Variants in FAM227B observed in about 807,000 individuals in gnomAD.
FAM227B encodes family with sequence similarity 227 member B, also known as protein FAM227B.
A neutral mutation model predicts 73.8 loss-of-function variants in FAM227B; 88 were observed. That is an observed-to-expected ratio of 1.19 (90% confidence interval 1.00 to 1.42). The LOEUF (loss-of-function observed/expected upper bound fraction) is 1.42, where lower values mean the gene tolerates loss of function less well. Ranked by LOEUF, FAM227B falls within the 40% of genes most tolerant of loss-of-function variation. The probability of loss-of-function intolerance (pLI) is 0.00; values close to 1 mark genes in which losing one functional copy is unlikely to be tolerated. For synonymous variants in FAM227B, 210 were observed against 190.5 expected, an observed-to-expected ratio of 1.10 and a Z score of -0.84; for missense variants, 632 against 590.9, an observed-to-expected ratio of 1.07 and a Z score of -0.72.
At chr15:49,333,913 C>G (rs1482971109) in intron 14 of FAM227B, among the ~76,000 whole-genome samples, 2 of 152,148 alleles carry the variant, frequency 1.3e-5, no homozygotes, top group Non-Finnish European at 2.9e-5. Context: ...AAATAAAAAA[C>G]TAGCCCAATA....
rs2038905253 is a variant in FAM227B, at chr15:49,332,121, C to T, written c.1350-272G>A. On this transcript the variant is annotated intron_variant, in intron 14 of 15. Transcript: ENST00000299338. The stretch of plus-strand genomic sequence containing the variant: ...CACACACACACACACACACACACAT[C>T]CACAACAGTCATACACTTAGCAAGG... Among the ~76,000 whole-genome samples, 2 of 138,426 alleles carry T rather than the reference C, an allele frequency of 1.4e-5. 1 individual carries two copies. Among genetic ancestry groups the T allele is most frequent in the Non-Finnish European group, 3.2e-5 (2 of 63,002 alleles). 90.8% of individuals were successfully genotyped at this position (138,426 alleles called of 152,430 possible). A position where few individuals can be genotyped will look rare whatever the true frequency, so the allele number is the denominator to read the frequency against.
intron 10 of FAM227B, 117 bp downstream of exon 10, chr15:49,541,563 G>T: frequency 1.1e-6 from 1 of 890,452 alleles, no homozygotes. Context: ...GTACTGCTAT[G>T]GCATGCTTTG....
chr15:49,595,031 C>T (rs908029473), intron 3 of FAM227B, among the ~76,000 whole-genome samples: 11 of 151,986 alleles, frequency 7.2e-5, no homozygotes, highest in Admixed American at 2.0e-4. Context: ...GTCATTTTCA[C>T]GATATTGATT....
At chr15:49,531,744 A>G (rs1417493190) in intron 10 of FAM227B, among the ~76,000 whole-genome samples, 1 of 151,978 alleles carries the variant, frequency 6.6e-6, no homozygotes, top group Non-Finnish European at 1.5e-5. Context: ...AACGCCTGAG[A>G]GAACGTGCAA....
intron 13 of FAM227B, chr15:49,366,510 C>T: frequency 7.2e-7 from 1 of 1,383,790 alleles, no homozygotes; most frequent in Non-Finnish European, 1.0e-6. Flanking sequence ...ATGGAAGTTG[C>T]ATTTTCTAGG....
chr15:49,378,633 C>T (rs781553370), intron 11 of FAM227B, among the ~76,000 whole-genome samples: 9 of 152,038 alleles, frequency 5.9e-5, no homozygotes, highest in Non-Finnish European at 1.2e-4. Flanking sequence ...AGATGTGCTA[C>T]TGATTTTTGT....
At chr15:49,600,907 T>A (rs759514939) in intron 3 of FAM227B, among the ~76,000 whole-genome samples, 1 of 150,870 alleles carries the variant, frequency 6.6e-6, no homozygotes, top group Admixed American at 6.6e-5. Context: ...CTGGGTGTGG[T>A]GGTGTGCGCC....
chr15:49,545,462 C>A (rs2071698777), intron 9 of FAM227B, among the ~76,000 whole-genome samples: 1 of 151,894 alleles, frequency 6.6e-6, no homozygotes, highest in Non-Finnish European at 1.5e-5. Context: ...TTTTGTTTGT[C>A]TTTTATAGTT....
chr15:49,450,966 A>C (rs2052668383), intron 11 of FAM227B, among the ~76,000 whole-genome samples: 1 of 152,252 alleles, frequency 6.6e-6, no homozygotes, highest in African/African-American at 2.4e-5. Flanking sequence ...TCCTTCCCCC[A>C]AAAATATATT....
At chr15:49,518,719 CCATAACA>C (rs1245141360) in intron 10 of FAM227B, among the ~76,000 whole-genome samples, 2 of 152,112 alleles carry the variant, frequency 1.3e-5, no homozygotes, top group African/African-American at 4.8e-5. Flanking sequence ...TGGGTCCCTC[CCATAACA>C]CATGGGGATT....
chr15:49,549,987 C>G lies in FAM227B; in HGVS notation c.748-8181G>C, dbSNP rs561174665. Among the ~76,000 whole-genome samples the G allele has an allele frequency of 1.8e-4, 20 of 113,964 alleles. 1 individual carries two copies. The East Asian group carries it at 5.2e-3, about 30-fold the overall frequency. 74.8% of individuals were successfully genotyped at this position (113,964 alleles called of 152,430 possible). On this transcript the variant is annotated intron_variant, in intron 9 of 15. Coordinates refer to ENST00000299338, the MANE Select transcript of FAM227B (RefSeq NM_152647.3). ...CTGACCCCCCCACCTCCCTCCCAGA[C>G]GGGGCGGCTGGCCGGGCAGGGGGCT...
intron 11 of FAM227B, among the ~76,000 whole-genome samples, chr15:49,482,759 T>A (rs1351951692): frequency 1.3e-5 from 2 of 152,104 alleles, no homozygotes; most frequent in African/African-American, 4.8e-5. Context: ...TGTCTCAATC[T>A]GTGGTTATGA....
At chr15:49,329,468 A>G in intron 15 of FAM227B, 1 of 985,190 alleles carries the variant, frequency 1.0e-6, no homozygotes, top group Non-Finnish European at 1.2e-6. Flanking sequence ...TTAATGTTTA[A>G]CTCACAGATT....
chr15:49,508,335 T>G lies in FAM227B; in HGVS notation c.888A>C (p.Gln296His). The G allele has an allele frequency of 6.3e-7, 1 of 1,599,082 alleles. No individual in the cohort carries two copies. Among genetic ancestry groups the G allele is most frequent in the Non-Finnish European group, 8.5e-7 (1 of 1,175,278 alleles). The change falls in exon 11 of 16, where the codon CAA becomes CAC. Residue 296 changes from glutamine (Q) to histidine (H), a missense_variant. Transcript: ENST00000299338. ...GTTTCCAGTGGATCCAAAAGCCTTT[T>G]TGAGGTTTTAAACCTGTTAATATAA... ...IFLWCSGLKP[Q>H]KGFWIHWKLK... is the part of the protein sequence containing the mutation.
At chr15:49,365,697 A>C (rs1251008368) in intron 13 of FAM227B, 2 of 912,294 alleles carry the variant, frequency 2.2e-6, no homozygotes, top group Non-Finnish European at 3.7e-6. Context: ...TCAGTGTTTT[A>C]ATTAAATTCA....
intron 9 of FAM227B, among the ~76,000 whole-genome samples, chr15:49,554,761 T>C (rs1339118759): frequency 6.6e-6 from 1 of 152,188 alleles, no homozygotes; most frequent in African/African-American, 2.4e-5. Flanking sequence ...TATAAGTACT[T>C]GGCCTGATTT....
chr15:49,439,658 C>A (rs535754813), intron 11 of FAM227B, among the ~76,000 whole-genome samples: 1 of 151,772 alleles, frequency 6.6e-6, no homozygotes, highest in East Asian at 1.9e-4. Flanking sequence ...AAGTAGATAG[C>A]TTTCCTTATT....
chr15:49,479,537 T>C (rs1179052423), intron 11 of FAM227B, among the ~76,000 whole-genome samples: 2 of 151,852 alleles, frequency 1.3e-5, no homozygotes, highest in African/African-American at 4.8e-5. Context: ...TTTTCTATTA[T>C]GTTTTCTGAG....
At chr15:49,601,133 T>C (rs2077180532) in intron 3 of FAM227B, among the ~76,000 whole-genome samples, 3 of 149,722 alleles carry the variant, frequency 2.0e-5, no homozygotes, top group Admixed American at 2.0e-4. Context: ...TTGCGGTTTT[T>C]GCCATCACTT....
Sources: gnomAD v4.1 joint callset for allele counts (sites outside exome capture counted in the v4.1 genomes callset) on GRCh38, gnomAD v4.1.1 for gene constraint, MANE v1.5 for transcripts, NCBI Gene and HGNC (gene_info 2026-07-23, HGNC 2026-07-21) for gene names.